LPP: variants seen among roughly 807,000 people sequenced by gnomAD.
The protein encoded by LPP is LIM domain containing preferred translocation partner in lipoma.
A neutral mutation model predicts 60.4 loss-of-function variants in LPP; 38 were observed. That is an observed-to-expected ratio of 0.63 (90% CI 0.49 to 0.83). LPP has a LOEUF of 0.83. Ranked by LOEUF, LPP falls within the 40% of genes least tolerant of loss-of-function variation. The pLI, the probability that LPP is intolerant of heterozygous loss-of-function variation, is 0.00. For synonymous variants in LPP, 328 were observed against 290.8 expected (o/e 1.13, Z -1.30); for missense variants, 902 against 783.6 (o/e 1.15, Z -1.80).
chr3:188,850,449 G>T (rs990451306), intron 9 of LPP, among the ~76,000 whole-genome samples: 2 of 152,064 alleles, frequency 1.3e-5, no homozygotes, highest in African/African-American at 4.8e-5. Flanking sequence ...TTAATATTTA[G>T]AAAATTCTTC....
At chr3:188,206,150 A>T (rs1214276649) in intron 1 of LPP, among the ~76,000 whole-genome samples, 1 of 152,076 alleles carries the variant, frequency 6.6e-6, no homozygotes, top group African/African-American at 2.4e-5. Flanking sequence ...ACCTCCTTTA[A>T]TTCAAATCCC....
intron 4 of LPP, among the ~76,000 whole-genome samples, chr3:188,425,929 T>C (rs1789198000): frequency 6.6e-6 from 1 of 152,126 alleles, no homozygotes; most frequent in South Asian, 2.1e-4. Context: ...TTTTGAAGGG[T>C]TTTTCTCATG....
At chr3:188,848,801 A>G (rs1560290149) in intron 9 of LPP, among the ~76,000 whole-genome samples, 1 of 152,102 alleles carries the variant, frequency 6.6e-6, no homozygotes, top group Non-Finnish European at 1.5e-5. Flanking sequence ...CCCCATCTCT[A>G]CTAAAAGTAC....
At chr3:188,794,735 T>G (rs905169038) in intron 9 of LPP, among the ~76,000 whole-genome samples, 2 of 152,126 alleles carry the variant, frequency 1.3e-5, no homozygotes, top group African/African-American at 4.8e-5. Context: ...AAAGGTTTTT[T>G]TTTTCTTTAT....
At chr3:188,733,964 T>C (rs1721586048) in intron 8 of LPP, among the ~76,000 whole-genome samples, 1 of 152,154 alleles carries the variant, frequency 6.6e-6, no homozygotes, top group Admixed American at 6.5e-5. Context: ...TTTTCCTTTT[T>C]CCTCCTTAGT....
chr3:188,215,978 A>G (rs1215958578), intron 1 of LPP, among the ~76,000 whole-genome samples: 1 of 152,216 alleles, frequency 6.6e-6, no homozygotes, highest in Non-Finnish European at 1.5e-5. Context: ...TAGGAAGCCC[A>G]TAGCTAAATT....
chr3:188,661,787 C>A (rs541665816), intron 7 of LPP, among the ~76,000 whole-genome samples: 1 of 152,344 alleles, frequency 6.6e-6, no homozygotes, highest in Admixed American at 6.5e-5. Flanking sequence ...CCTGCCTCAT[C>A]TATAGCATGT....
At chr3:188,186,443 G>A (rs1726617446) in intron 1 of LPP, among the ~76,000 whole-genome samples, 1 of 152,142 alleles carries the variant, frequency 6.6e-6, no homozygotes, top group Non-Finnish European at 1.5e-5. Flanking sequence ...TTAAAAAGAC[G>A]ACCTTGTCAT....
intron 5 of LPP, 54 bp downstream of exon 5, chr3:188,484,758 T>TAGGTAAGAGCTGAAG: frequency 7.5e-7 from 1 of 1,338,614 alleles, no homozygotes. Flanking sequence ...AAAGTCATGT[T>TAGGTAAGAGCTGAAG]TATAAGCCAT....
In LPP at chr3:188,872,790, G is replaced by A. The variant is rs751343053; in HGVS notation, c.1710+27G>A. On this transcript the variant is annotated intron_variant, in intron 11 of 11. Transcript: ENST00000617246. The stretch of plus-strand genomic sequence containing the variant: ...TCTGGTTGACAGCCCTGCCCTGCCA[G>A]TCTGTGGCAGGCGTTGAAAGGCTCG... The A allele has an allele frequency of 1.1e-5, 18 of 1,613,746 alleles. No homozygotes were observed. In the Admixed American group the frequency reaches 3.0e-4, roughly 27 times the overall value.
chr3:188,250,760 T>TTCTC (rs1441391991), intron 2 of LPP, among the ~76,000 whole-genome samples: 3 of 119,628 alleles, frequency 2.5e-5, no homozygotes, highest in Non-Finnish European at 3.5e-5. Flanking sequence ...CTTTCTTTCT[T>TTCTC]TCTTTCTTTC....
At chr3:188,378,526 A>G (rs1775910268) in intron 3 of LPP, among the ~76,000 whole-genome samples, 2 of 152,196 alleles carry the variant, frequency 1.3e-5, no homozygotes, top group South Asian at 4.1e-4. Flanking sequence ...TGGGGGATAT[A>G]ATCTCCTGAT....
At position 188,532,599 on chromosome 3, in the gene LPP, G is replaced by A. The variant is rs531599454; in HGVS notation, c.429+7812G>A. On this transcript the variant is annotated intron_variant, in intron 6 of 11. Coordinates refer to ENST00000617246, the MANE Select transcript of LPP (RefSeq NM_001375462.1). ...GTCTCCAAGTTTGCCAACGGGAAGA[G>A]CATTGGCTTCTTGATTCCCTGAGGT... Among the ~76,000 whole-genome samples the A allele has an allele frequency of 5.3e-5, 8 of 152,334 alleles. No individual in the cohort carries two copies. In the East Asian group the frequency reaches 5.8e-4, roughly 11 times the overall value.
At chr3:188,252,077 C>T (rs866174037) in intron 2 of LPP, among the ~76,000 whole-genome samples, 1,187 of 71,174 alleles carry the variant, frequency 0.017, 8 homozygotes, top group Non-Finnish European at 0.024. Context: ...TATATATATA[C>T]ACACACACAC....
intron 9 of LPP, among the ~76,000 whole-genome samples, chr3:188,777,655 T>A (rs1380688313): frequency 6.6e-6 from 1 of 152,156 alleles, no homozygotes; most frequent in Non-Finnish European, 1.5e-5. Flanking sequence ...GCATGTCTTT[T>A]GTCTCTCTGC....
chr3:188,657,817 A>G (rs1425784720), intron 7 of LPP, among the ~76,000 whole-genome samples: 1 of 152,232 alleles, frequency 6.6e-6, no homozygotes, highest in Non-Finnish European at 1.5e-5. Context: ...CACTTCTATG[A>G]TAATACTCTT....
At chr3:188,682,398 C>A (rs1216094179) in intron 7 of LPP, among the ~76,000 whole-genome samples, 4 of 152,148 alleles carry the variant, frequency 2.6e-5, no homozygotes, top group Admixed American at 1.3e-4. Flanking sequence ...TGTGTCAGTG[C>A]ACACACATCT....
chr3:188,561,364 C>T (rs919591696), intron 6 of LPP, among the ~76,000 whole-genome samples: 3 of 151,996 alleles, frequency 2.0e-5, no homozygotes, highest in Non-Finnish European at 2.9e-5. Context: ...TAGGTAGTTA[C>T]TGTAGAAGAA....
At chr3:188,563,552 C>T (rs1056588178) in intron 6 of LPP, among the ~76,000 whole-genome samples, 4 of 149,226 alleles carry the variant, frequency 2.7e-5, no homozygotes, top group African/African-American at 9.9e-5. Context: ...AAGGATTTGC[C>T]ATACTATTTT....
Sources: allele counts gnomAD v4.1 joint callset (sites outside exome capture counted in the v4.1 genomes callset), GRCh38; gene constraint gnomAD v4.1.1; transcripts MANE v1.5; gene names NCBI Gene and HGNC (gene_info 2026-07-23, HGNC 2026-07-21).